PTPRD: variants seen among roughly 807,000 people sequenced by gnomAD.
PTPRD encodes the protein protein tyrosine phosphatase receptor type D, also known as receptor-type tyrosine-protein phosphatase delta.
In PTPRD, 34 loss-of-function variants were observed where a neutral mutation model predicts 214.5. That is an observed-to-expected ratio of 0.16 (90% CI 0.12 to 0.21). PTPRD has a LOEUF of 0.21. Among genes scored for constraint, PTPRD ranks in the 10% least tolerant of loss-of-function variants. PTPRD has a pLI of 1.00. For missense variants in PTPRD, 2,545 were observed against 2,398.7 expected, an observed-to-expected ratio of 1.06 and a Z score of -1.27; for synonymous variants, 1,128 against 845.7, an observed-to-expected ratio of 1.33 and a Z score of -5.79.
At chr9:9,353,379 T>C (rs185493160) in intron 9 of PTPRD, among the ~76,000 whole-genome samples, 251 of 152,086 alleles carry the variant, frequency 1.7e-3, no homozygotes, top group Middle Eastern at 6.8e-3. Context: ...GGAATAAATC[T>C]TAGAGTTAAT....
chr9:8,562,208 T>C (rs934096329), intron 14 of PTPRD, among the ~76,000 whole-genome samples: 7 of 152,260 alleles, frequency 4.6e-5, no homozygotes, highest in Middle Eastern at 3.4e-3. Context: ...GATAAGATAG[T>C]TCTGTTGTAA....
At chr9:9,459,690 C>A (rs2093446380) in intron 8 of PTPRD, among the ~76,000 whole-genome samples, 1 of 152,030 alleles carries the variant, frequency 6.6e-6, no homozygotes, top group Non-Finnish European at 1.5e-5. Context: ...GGAAAGAAAT[C>A]ACAGATGTCA....
chr9:9,879,015 A>T (rs1273814353), intron 5 of PTPRD, among the ~76,000 whole-genome samples: 2 of 152,164 alleles, frequency 1.3e-5, no homozygotes, highest in African/African-American at 4.8e-5. Context: ...CCCTCAAAAT[A>T]GATTATTTTA....
chr9:10,497,172 T>C (rs2042315870), intron 2 of PTPRD, among the ~76,000 whole-genome samples: 1 of 151,796 alleles, frequency 6.6e-6, no homozygotes, highest in South Asian at 2.1e-4. Context: ...AATGGGGGCG[T>C]GGGGCAAAAA....
intron 11 of PTPRD, among the ~76,000 whole-genome samples, chr9:8,746,425 A>G (rs1039718025): frequency 9.2e-5 from 14 of 152,356 alleles, no homozygotes; most frequent in Non-Finnish European, 1.8e-4. Context: ...AGCGAAAAAA[A>G]TATTATTCCA....
At chr9:8,787,912 C>T (rs1386651450) in intron 11 of PTPRD, among the ~76,000 whole-genome samples, 1 of 130,952 alleles carries the variant, frequency 7.6e-6, no homozygotes, top group Non-Finnish European at 1.6e-5. Flanking sequence ...CACCCTATCA[C>T]CTTTTTTTAA....
At chr9:10,509,881 T>C (rs1385527406) in intron 2 of PTPRD, among the ~76,000 whole-genome samples, 1 of 152,016 alleles carries the variant, frequency 6.6e-6, no homozygotes. Flanking sequence ...TATTTATCTG[T>C]ATATAAGTTT....
chr9:10,225,370 C>A (rs2099585439), intron 3 of PTPRD, among the ~76,000 whole-genome samples: 1 of 151,948 alleles, frequency 6.6e-6, no homozygotes, highest in South Asian at 2.1e-4. Context: ...ATGTATGTAG[C>A]CTTCTTAAGC....
At chr9:9,180,563 G>A (rs538851697) in intron 10 of PTPRD, among the ~76,000 whole-genome samples, 30 of 151,974 alleles carry the variant, frequency 2.0e-4, no homozygotes, top group African/African-American at 7.2e-4. Flanking sequence ...AAACCTGCAC[G>A]TTGTGCACAT....
intron 4 of PTPRD, among the ~76,000 whole-genome samples, chr9:9,952,326 G>A (rs549727966): frequency 6.6e-6 from 1 of 152,296 alleles, no homozygotes; most frequent in East Asian, 1.9e-4. Context: ...AACAGAAGGT[G>A]TATATAAAAG....
chr9:10,003,826 T>G (rs944472141), intron 4 of PTPRD, among the ~76,000 whole-genome samples: 1 of 151,776 alleles, frequency 6.6e-6, no homozygotes, highest in Non-Finnish European at 1.5e-5. Flanking sequence ...GAATTAAATT[T>G]CAAATTCTAA....
intron 10 of PTPRD, among the ~76,000 whole-genome samples, chr9:9,051,359 G>C (rs2099685142): frequency 6.6e-6 from 1 of 152,098 alleles, no homozygotes; most frequent in Non-Finnish European, 1.5e-5. Flanking sequence ...AACATGCATT[G>C]CCTGAAATGT....
At chr9:10,589,100 C>G (rs922999222) in intron 2 of PTPRD, among the ~76,000 whole-genome samples, 4 of 151,994 alleles carry the variant, frequency 2.6e-5, no homozygotes, top group Admixed American at 2.0e-4. Context: ...GTTACCTAAA[C>G]TCAGGCTTTT....
Position 9,269,357 on chromosome 9 carries a change from G to C in PTPRD, c.-202-85994C>G, listed in dbSNP as rs559647035. On this transcript the variant is annotated intron_variant, in intron 9 of 45. Coordinates refer to ENST00000381196, the MANE Select transcript of PTPRD (RefSeq NM_002839.4). The stretch of plus-strand genomic sequence containing the variant: ...CCATTAGCAAAAAGTTAAAAGATAA[G>C]TGCTGGTGAGAGTGTGGAAAAAAAA... Among the ~76,000 whole-genome samples the C allele has an allele frequency of 2.0e-5, 3 of 151,300 alleles. No homozygotes were observed. In the South Asian group the frequency reaches 6.2e-4, roughly 31 times the overall value.
intron 4 of PTPRD, among the ~76,000 whole-genome samples, chr9:9,968,716 C>T (rs190166703): frequency 6.6e-6 from 1 of 152,104 alleles, no homozygotes; most frequent in African/African-American, 2.4e-5. Flanking sequence ...TACAAAAAAG[C>T]TAGGTCACAG....
chr9:8,914,350 C>CTTTGCCATTTGTTCTGT (rs1385697660), intron 11 of PTPRD, among the ~76,000 whole-genome samples: 5 of 152,170 alleles, frequency 3.3e-5, no homozygotes, highest in African/African-American at 1.2e-4. Flanking sequence ...CAATATTACA[C>CTTTGCCATTTGTTCTGT]TTTGCCATTT....
chr9:9,206,811 T>C (rs984746804), intron 9 of PTPRD, among the ~76,000 whole-genome samples: 17 of 152,182 alleles, frequency 1.1e-4, no homozygotes, highest in Non-Finnish European at 1.5e-5. Flanking sequence ...GCACTACTTT[T>C]GAGGTTTTGG....
At chr9:8,405,561 C>T (rs1362936302) in intron 35 of PTPRD, among the ~76,000 whole-genome samples, 1 of 152,028 alleles carries the variant, frequency 6.6e-6, no homozygotes, top group Non-Finnish European at 1.5e-5. Context: ...CTCTAGGGGA[C>T]TTCATTTCCT....
At chr9:9,434,121 C>T (rs1467632447) in intron 8 of PTPRD, among the ~76,000 whole-genome samples, 1 of 152,136 alleles carries the variant, frequency 6.6e-6, no homozygotes, top group Non-Finnish European at 1.5e-5. Flanking sequence ...CAACAAATGG[C>T]TTTACCTATT....
Sources: gnomAD v4.1 joint callset for allele counts (sites outside exome capture counted in the v4.1 genomes callset) on GRCh38, gnomAD v4.1.1 for gene constraint, MANE v1.5 for transcripts, NCBI Gene and HGNC (gene_info 2026-07-23, HGNC 2026-07-21) for gene names.